EYS: variants seen among roughly 807,000 people sequenced by gnomAD.
EYS encodes the protein EGF-like photoreceptor maintenance factor.
Under a neutral mutation model 282.1 loss-of-function variants are expected in EYS, and 250 were observed. The observed-to-expected ratio is 0.89, with a 90% confidence interval of 0.80 to 0.98. The LOEUF (loss-of-function observed/expected upper bound fraction) is 0.98. Among genes scored for constraint, EYS ranks in the 50% least tolerant of loss-of-function variants. EYS has a pLI of 0.00. For missense variants in EYS, 4,016 were observed against 3,709.0 expected (o/e 1.08, Z -2.15); for synonymous variants, 1,355 against 1,282.9 (o/e 1.06, Z -1.20).
intron 31 of EYS, among the ~76,000 whole-genome samples, chr6:64,083,096 A>G (rs947445622): frequency 1.2e-4 from 19 of 152,004 alleles, no homozygotes; most frequent in Admixed American, 8.5e-4. Flanking sequence ...TTTAGTAGAG[A>G]CAGGGTTTCA....
intron 12 of EYS, among the ~76,000 whole-genome samples, chr6:65,136,704 G>A (rs553001972): frequency 6.6e-6 from 1 of 151,840 alleles, no homozygotes; most frequent in Admixed American, 6.6e-5. Context: ...TTCCTTTTTC[G>A]AGACAGGATC....
At chr6:64,924,637 G>A (rs921435371) in intron 15 of EYS, among the ~76,000 whole-genome samples, 1 of 152,114 alleles carries the variant, frequency 6.6e-6, no homozygotes, top group Non-Finnish European at 1.5e-5. Flanking sequence ...CCTCTTGAAT[G>A]CCTTGCTGCT....
chr6:64,391,753 A>C (rs1773157232), intron 28 of EYS, among the ~76,000 whole-genome samples: 1 of 152,126 alleles, frequency 6.6e-6, no homozygotes. Flanking sequence ...TCATAATGAC[A>C]GGATCAAATT....
At chr6:63,827,821 G>C (rs1266000116) in intron 36 of EYS, among the ~76,000 whole-genome samples, 2 of 142,480 alleles carry the variant, frequency 1.4e-5, no homozygotes, top group Non-Finnish European at 3.0e-5. Context: ...TCCACAGTCC[G>C]GCCTGGGCGA....
At chr6:65,395,137 C>CACCGCA (rs1373910773) in intron 7 of EYS, among the ~76,000 whole-genome samples, 3 of 152,212 alleles carry the variant, frequency 2.0e-5, no homozygotes, top group Non-Finnish European at 4.4e-5. Flanking sequence ...GATCTTAGCT[C>CACCGCA]ACCGCAACCT....
At chr6:64,990,015 C>T (rs1771011048) in intron 14 of EYS, among the ~76,000 whole-genome samples, 1 of 151,374 alleles carries the variant, frequency 6.6e-6, no homozygotes, top group South Asian at 2.1e-4. Context: ...CATACTTGCA[C>T]ATGTGCTTGT....
At position 64,700,083 on chromosome 6, in the gene EYS, A is replaced by G. The variant is rs79313428; in HGVS notation, c.3444-73838T>C. On this transcript the variant is annotated intron_variant, in intron 22 of 42. Transcript: ENST00000503581. ...GGGAACCAAGGATGGGTCAATATACACAAATCAATAAATGTGATTCCCCAC... is the reference window on the plus strand; with the variant it reads ...GGGAACCAAGGATGGGTCAATATACGCAAATCAATAAATGTGATTCCCCAC... Among the ~76,000 whole-genome samples the G allele has an allele frequency of 8.3e-4, 127 of 152,172 alleles. 1 individual carries two copies. The East Asian group carries it at 0.016, about 19-fold the overall frequency.
chr6:64,440,600 AT>A (rs540468297), intron 26 of EYS, among the ~76,000 whole-genome samples: 58 of 151,936 alleles, frequency 3.8e-4, no homozygotes, highest in Admixed American at 4.6e-4. Context: ...ATAGGGACGT[AT>A]TTTTTTTCCC....
chr6:65,332,125 CTTA>C (rs1325692913), intron 11 of EYS: 1 of 439,892 alleles, frequency 2.3e-6, no homozygotes, highest in African/African-American at 2.0e-5. Flanking sequence ...CTTCATTCTT[CTTA>C]TTTTTTTTTA....
chr6:64,736,916 C>T (rs6924496), intron 22 of EYS, among the ~76,000 whole-genome samples: 10,453 of 152,124 alleles, frequency 0.069, 1,197 homozygotes, highest in African/African-American at 0.24. Flanking sequence ...ATGTGAGGGA[C>T]GTGTCCTTTT....
At chr6:65,471,237 A>G (rs1765203695) in intron 5 of EYS, among the ~76,000 whole-genome samples, 1 of 151,028 alleles carries the variant, frequency 6.6e-6, no homozygotes, top group Non-Finnish European at 1.5e-5. Context: ...TACAAAAAAA[A>G]AAAAAAAAAA....
intron 29 of EYS, among the ~76,000 whole-genome samples, chr6:64,310,752 CAT>C (rs1392044427): frequency 7.3e-6 from 1 of 136,306 alleles, no homozygotes; most frequent in African/African-American, 2.6e-5. Context: ...AAAGAAAAAA[CAT>C]ATTTTAAAAG....
chr6:65,276,593 T>A (rs1223811058), intron 12 of EYS, among the ~76,000 whole-genome samples: 1 of 152,144 alleles, frequency 6.6e-6, no homozygotes, highest in African/African-American at 2.4e-5. Flanking sequence ...ATATCTGGAA[T>A]AAAGATCATT....
intron 35 of EYS, among the ~76,000 whole-genome samples, chr6:63,953,564 A>G (rs976383898): frequency 6.6e-6 from 1 of 151,770 alleles, no homozygotes; most frequent in Non-Finnish European, 1.5e-5. Context: ...CAAAACAACA[A>G]CTCCTTTCCT....
intron 26 of EYS, among the ~76,000 whole-genome samples, chr6:64,508,365 A>C (rs1282132626): frequency 6.6e-6 from 1 of 151,902 alleles, no homozygotes; most frequent in African/African-American, 2.4e-5. Flanking sequence ...GTATTTCCCT[A>C]GGGTCAAGAA....
intron 31 of EYS, among the ~76,000 whole-genome samples, chr6:64,103,441 C>T (rs1772901300): frequency 6.6e-6 from 1 of 152,104 alleles, no homozygotes; most frequent in Non-Finnish European, 1.5e-5. Context: ...TTAACTACTT[C>T]AGGCAGCATA....
At chr6:64,935,283 G>C (rs1768870522) in intron 15 of EYS, among the ~76,000 whole-genome samples, 1 of 151,700 alleles carries the variant, frequency 6.6e-6, no homozygotes, top group Non-Finnish European at 1.5e-5. Context: ...AATAGCAGAA[G>C]TAAACTCTAC....
chr6:65,295,994 C>A lies in EYS; in HGVS notation c.1892G>T (p.Gly631Val). 6.4e-7 allele frequency: 1 copy of A among 1,551,260 alleles called. No individual in the cohort carries two copies. Among genetic ancestry groups the A allele is most frequent in the South Asian group, 1.2e-5 (1 of 84,050 alleles). ...LALSHNCNCSGLQRYERNICE... is the reference protein window; with the variant it reads ...LALSHNCNCSVLQRYERNICE... ...GATGTTCCTTTCATATCTTTGCAGA[C>A]CGCTACAGTTACAATTGTGCGAAAG... The change falls in exon 12 of 43, where the codon GGT becomes GTT. Residue 631 changes from glycine to valine, a missense_variant. Coordinates refer to ENST00000503581, the MANE Select transcript of EYS (RefSeq NM_001142800.2).
At chr6:64,850,680 A>G (rs1268712294) in intron 19 of EYS, among the ~76,000 whole-genome samples, 3 of 152,092 alleles carry the variant, frequency 2.0e-5, no homozygotes, top group African/African-American at 4.8e-5. Flanking sequence ...GAAAGCCACT[A>G]AAGTTTTTTA....
Sources: allele counts gnomAD v4.1 joint callset (sites outside exome capture counted in the v4.1 genomes callset), GRCh38; gene constraint gnomAD v4.1.1; transcripts MANE v1.5; gene names NCBI Gene and HGNC (gene_info 2026-07-23, HGNC 2026-07-21).